The following MORC1 variants were observed in gnomAD, a reference collection of about 807,000 sequenced individuals.
The protein encoded by MORC1 is MORC family CW-type zinc finger protein 1.
Under a neutral mutation model 134.9 loss-of-function variants are expected in MORC1, and 59 were observed. The ratio of observed to expected loss-of-function variants is 0.44; its 90% CI spans 0.35 to 0.54. The LOEUF is 0.54. Among genes scored for constraint, MORC1 ranks in the 20% least tolerant of loss-of-function variants. MORC1 has a pLI of 0.00. For missense variants in MORC1, 947 were observed against 1,134.5 expected, an observed-to-expected ratio of 0.83 and a Z score of 2.37; for synonymous variants, 395 against 391.7, an observed-to-expected ratio of 1.01 and a Z score of -0.10.
intron 17 of MORC1, among the ~76,000 whole-genome samples, chr3:109,024,359 G>A (rs1050715276): frequency 1.3e-5 from 2 of 152,082 alleles, no homozygotes; most frequent in Non-Finnish European, 2.9e-5. Context: ...ATAACTAGCT[G>A]GAATGTTGTA....
chr3:109,062,987 G>A lies in MORC1; in HGVS notation c.895+165C>T, dbSNP rs533525712. Among the ~76,000 whole-genome samples the A allele has an allele frequency of 6.6e-5, 10 of 152,240 alleles. No homozygotes were observed. The East Asian group carries it at 1.4e-3, about 21-fold the overall frequency. The stretch of plus-strand genomic sequence containing the variant: ...AATATCATGAGTAAACAAACTCAGA[G>A]ATGGAAAGAATGTGTTTTGAAGTTC... On this transcript the variant is annotated intron_variant, in intron 10 of 27. Transcript: ENST00000232603.
At chr3:108,999,923 C>T (rs1439963625) in intron 21 of MORC1, among the ~76,000 whole-genome samples, 1 of 152,076 alleles carries the variant, frequency 6.6e-6, no homozygotes, top group Non-Finnish European at 1.5e-5. Flanking sequence ...AACACCATGG[C>T]TTCACAGATG....
chr3:109,101,493 A>G (rs1950923969), intron 4 of MORC1: 1 of 152,216 alleles, frequency 6.6e-6, no homozygotes, highest in Admixed American at 6.5e-5. Flanking sequence ...ATGCTGAAGA[A>G]TTGTCCTGAG....
intron 14 of MORC1, among the ~76,000 whole-genome samples, chr3:109,044,479 A>T (rs1262391374): frequency 6.6e-6 from 1 of 150,470 alleles, no homozygotes; most frequent in Admixed American, 6.6e-5. Flanking sequence ...AATGGCGTGA[A>T]CCCAGGAGGC....
At chr3:109,059,368 A>T (rs928298857) in intron 12 of MORC1, among the ~76,000 whole-genome samples, 1 of 152,142 alleles carries the variant, frequency 6.6e-6, no homozygotes, top group Non-Finnish European at 1.5e-5. Flanking sequence ...CAATACATTC[A>T]CGTGAAACAT....
At chr3:108,959,354 CT>C (rs1241264005) in intron 27 of MORC1, among the ~76,000 whole-genome samples, 1 of 152,094 alleles carries the variant, frequency 6.6e-6, no homozygotes, top group Non-Finnish European at 1.5e-5. Flanking sequence ...GTTAGTACAA[CT>C]TTTTTTCTCT....
intron 24 of MORC1, among the ~76,000 whole-genome samples, chr3:108,972,689 T>A (rs558930129): frequency 6.6e-6 from 1 of 152,308 alleles, no homozygotes; most frequent in Admixed American, 6.5e-5. Flanking sequence ...GGGTCAACAC[T>A]ACGGCCGTTT....
At chr3:109,102,844 T>C (rs1279814828) in intron 4 of MORC1, among the ~76,000 whole-genome samples, 1 of 152,228 alleles carries the variant, frequency 6.6e-6, no homozygotes, top group Non-Finnish European at 1.5e-5. Context: ...CTGTTGTTGT[T>C]ACAAACTCTT....
At chr3:109,086,999 T>C (rs909626372) in intron 8 of MORC1, among the ~76,000 whole-genome samples, 1 of 152,080 alleles carries the variant, frequency 6.6e-6, no homozygotes, top group Non-Finnish European at 1.5e-5. Flanking sequence ...GAAGAGAGAC[T>C]GGGGGAGCTG....
At position 108,959,116 on chromosome 3, in the gene MORC1, C is replaced by T; in HGVS notation, c.2804G>A (p.Gly935Asp). 1.3e-6 allele frequency: 2 copies of T among 1,575,206 alleles called. No homozygotes were observed. The highest frequency in any genetic ancestry group is 2.4e-5 in the East Asian group (1 of 42,074). The change falls in exon 28 of 28, where the codon GGT (glycine) becomes GAT (aspartate). Residue 935 changes from glycine (G) to aspartate (D), a missense_variant. Transcript: ENST00000232603. ...ALLLQKLQLGGPEGDLEQTDT... is the reference protein window; with the variant it reads ...ALLLQKLQLGDPEGDLEQTDT... Reference sequence around the variant, plus strand: ...AGTCTGCTCCAGGTCACCTTCTGGACCACCCTGGAAAAGAGAAGCAACAGT... The same window carrying T: ...AGTCTGCTCCAGGTCACCTTCTGGATCACCCTGGAAAAGAGAAGCAACAGT...
chr3:109,022,055 T>C lies in MORC1; in HGVS notation c.1704+5696A>G, dbSNP rs116072076. On this transcript the variant is annotated intron_variant, in intron 17 of 27. Transcript: ENST00000232603. ...CTCTTCGAAAAGCAATACATCACCA[T>C]AGAGAAATGAGATCTTTGTAGTAAG... 2.0e-3 allele frequency among the ~76,000 whole-genome samples: 297 copies of C among 152,286 alleles called. 3 individuals carry two copies. Among genetic ancestry groups the C allele is most frequent in the African/African-American group, 6.8e-3 (283 of 41,560 alleles).
chr3:109,053,363 C>T lies in MORC1; in HGVS notation c.1330+1365G>A, dbSNP rs151072625. On this transcript the variant is annotated intron_variant, in intron 14 of 27. Coordinates refer to ENST00000232603, the MANE Select transcript of MORC1 (RefSeq NM_014429.4). ...AGTGTTATTTCCAATAGCAAAGACA[C>T]GGAATCAACCCAGGTGTCCAACAAC... is the stretch of plus-strand genomic sequence containing the variant. Among the ~76,000 whole-genome samples the T allele has an allele frequency of 8.0e-4, 122 of 152,112 alleles. No individual in the cohort carries two copies. The Middle Eastern group carries it at 0.014, about 17-fold the overall frequency.
intron 4 of MORC1, chr3:109,101,516 G>C (rs1003523725): frequency 1.3e-5 from 2 of 152,236 alleles, no homozygotes; most frequent in Non-Finnish European, 2.9e-5. Context: ...CCCTCTGTCA[G>C]TCTGGGTACA....
chr3:109,117,868 G>A, intron 1 of MORC1, 127 bp downstream of exon 1: 2 of 836,686 alleles, frequency 2.4e-6, no homozygotes, highest in Non-Finnish European at 3.9e-6. Flanking sequence ...AGCCTATACA[G>A]CTCAAATAAA....
rs1296922693 is a variant in MORC1 at position 109,095,021 on chromosome 3, GAC to G, written c.469_470del (p.Val157HisfsTer3). 6.3e-7 allele frequency: 1 copy of G among 1,591,320 alleles called. No homozygotes were observed. Among genetic ancestry groups the G allele is most frequent in the Non-Finnish European group, 8.5e-7 (1 of 1,173,460 alleles). ...PSWLIRTRES[V>X]TDDPQKFAME... Reference sequence around the variant, plus strand: ...TTGCAAATTTCTGGGGATCATCTGTGACAGATTCTCTGGTTCTTATTAACCAT... The same window carrying G: ...TTGCAAATTTCTGGGGATCATCTGTGAGATTCTCTGGTTCTTATTAACCAT... On this transcript the variant is annotated frameshift_variant, in exon 7 of 28. Coordinates refer to ENST00000232603, the MANE Select transcript of MORC1 (RefSeq NM_014429.4). LOFTEE classifies it high-confidence loss of function.
rs570268495 is a variant in MORC1, at chr3:109,033,386, C to T, written c.1460-561G>A. ...AACCATATACACATTTTCTTCTGTACTTTCTTCTGTTCTTATTCCCCTCTC... is the reference window on the plus strand; with the variant it reads ...AACCATATACACATTTTCTTCTGTATTTTCTTCTGTTCTTATTCCCCTCTC... On this transcript the variant is annotated intron_variant, in intron 15 of 27. Coordinates refer to ENST00000232603, the MANE Select transcript of MORC1 (RefSeq NM_014429.4). 7.2e-5 allele frequency among the ~76,000 whole-genome samples: 11 copies of T among 152,188 alleles called. No individual in the cohort carries two copies. In the East Asian group the frequency reaches 2.1e-3, roughly 29 times the overall value.
At chr3:109,065,081 C>A (rs1430594679) in intron 9 of MORC1, among the ~76,000 whole-genome samples, 1 of 152,208 alleles carries the variant, frequency 6.6e-6, no homozygotes, top group Non-Finnish European at 1.5e-5. Flanking sequence ...ACTATTACCA[C>A]CTGAGTTCAA....
At chr3:109,074,271 A>G (rs1950376824) in intron 8 of MORC1, among the ~76,000 whole-genome samples, 1 of 152,184 alleles carries the variant, frequency 6.6e-6, no homozygotes, top group African/African-American at 2.4e-5. Flanking sequence ...CTTTGATGAC[A>G]GCCAATTGCA....
At chr3:109,092,792 G>C (rs11715192) in intron 8 of MORC1, among the ~76,000 whole-genome samples, 15,103 of 152,054 alleles carry the variant, frequency 0.099, 947 homozygotes, top group Non-Finnish European at 0.14. Flanking sequence ...AATCGCACTG[G>C]ATTAAATTAC....
Sources: gnomAD v4.1 joint callset for allele counts (sites outside exome capture counted in the v4.1 genomes callset) on GRCh38, gnomAD v4.1.1 for gene constraint, MANE v1.5 for transcripts, NCBI Gene and HGNC (gene_info 2026-07-23, HGNC 2026-07-21) for gene names.